TCERG1L: variants seen among roughly 807,000 people sequenced by gnomAD.
TCERG1L encodes the protein transcription elongation regulator 1-like protein.
Under a neutral mutation model 56.3 loss-of-function variants are expected in TCERG1L, and 37 were observed. The ratio of observed to expected loss-of-function variants is 0.66; its 90% CI spans 0.51 to 0.87. TCERG1L has a LOEUF of 0.87. TCERG1L is among the 40% of genes least tolerant of loss of function. TCERG1L has a pLI of 0.00. For missense variants in TCERG1L, 799 were observed against 774.2 expected (o/e 1.03, Z -0.38); for synonymous variants, 324 against 326.3 (o/e 0.99, Z 0.08).
chr10:131,263,660 C>T (rs79198577), intron 3 of TCERG1L, among the ~76,000 whole-genome samples: 3,077 of 152,306 alleles, frequency 0.02, 76 homozygotes, highest in East Asian at 0.077. Context: ...CATAAACAAC[C>T]GTCTGCAAAC....
rs1326161746 is a variant in TCERG1L at position 131,093,132 on chromosome 10, C to T, written c.*30G>A. 5 of 1,608,432 alleles carry T rather than the reference C, an allele frequency of 3.1e-6. No individual in the cohort carries two copies. The highest frequency in any genetic ancestry group is 4.5e-5 in the East Asian group (2 of 44,794). ...TCGCCCCCGGCACGCCCAGGGTCAA[C>T]CCCCGGGCTTATTGCATTTTTTCAC... On this transcript the variant is annotated 3_prime_UTR_variant, in exon 12 of 12. Transcript: ENST00000368642.
rs1413269129 is a variant in TCERG1L at position 131,104,252 on chromosome 10, C to T, written c.1485+13G>A. On this transcript the variant is annotated intron_variant, in intron 10 of 11. Coordinates refer to ENST00000368642, the MANE Select transcript of TCERG1L (RefSeq NM_174937.4). ...CATGTCTCTGCAGTCAAAGTGCCTT[C>T]CCACCCAGTTACCTGCTTTCGTTCC... 12 of 1,538,562 alleles carry T rather than the reference C, an allele frequency of 7.8e-6. No individual in the cohort carries two copies. The highest frequency in any genetic ancestry group is 1.7e-4 in the Middle Eastern group (1 of 5,994).
chr10:131,217,214 T>G (rs563951385), intron 4 of TCERG1L, among the ~76,000 whole-genome samples: 1 of 151,864 alleles, frequency 6.6e-6, no homozygotes, highest in African/African-American at 2.4e-5. Context: ...AGTGAGTGAG[T>G]TTTCCTGAGA....
chr10:131,203,719 C>G (rs1164946749), intron 4 of TCERG1L, among the ~76,000 whole-genome samples: 1 of 152,196 alleles, frequency 6.6e-6, no homozygotes. Context: ...GGGGAAGGCA[C>G]TCTCCTAACT....
At chr10:131,273,500 G>C (rs2918104) in intron 3 of TCERG1L, among the ~76,000 whole-genome samples, 1 of 152,078 alleles carries the variant, frequency 6.6e-6, no homozygotes, top group Non-Finnish European at 1.5e-5. Flanking sequence ...GAGGAATGAG[G>C]CTTTGGGAAT....
At chr10:131,211,437 T>C (rs1845618676) in intron 4 of TCERG1L, among the ~76,000 whole-genome samples, 1 of 152,182 alleles carries the variant, frequency 6.6e-6, no homozygotes, top group Non-Finnish European at 1.5e-5. Flanking sequence ...TTTCCCGGTG[T>C]TCTGGGCCCA....
chr10:131,308,360 G>A lies in TCERG1L; in HGVS notation c.521C>T (p.Ser174Leu). 6.2e-7 allele frequency: 1 copy of A among 1,614,008 alleles called. No homozygotes were observed. The highest frequency in any genetic ancestry group is 1.3e-5 in the African/African-American group (1 of 75,034). The change falls in exon 3 of 12, where the codon TCA (serine) becomes TTA (leucine). Residue 174 changes from serine (S) to leucine (L), a missense_variant. Coordinates refer to ENST00000368642, the MANE Select transcript of TCERG1L (RefSeq NM_174937.4). ...IFFNNSFALDSTWIHPEESRF... is the reference protein window; with the variant it reads ...IFFNNSFALDLTWIHPEESRF... ...TGACTCCTCAGGATGTATCCACGTTGAGTCCAGAGCAAAGGAATTATTAAA... is the reference window on the plus strand; with the variant it reads ...TGACTCCTCAGGATGTATCCACGTTAAGTCCAGAGCAAAGGAATTATTAAA...
At chr10:131,205,011 C>T (rs1184556556) in intron 4 of TCERG1L, among the ~76,000 whole-genome samples, 1 of 152,156 alleles carries the variant, frequency 6.6e-6, no homozygotes, top group Non-Finnish European at 1.5e-5. Flanking sequence ...GCCCTCAACC[C>T]CTGCCACCCG....
At chr10:131,250,191 G>T (rs996697577) in intron 4 of TCERG1L, among the ~76,000 whole-genome samples, 1 of 152,196 alleles carries the variant, frequency 6.6e-6, no homozygotes, top group Non-Finnish European at 1.5e-5. Flanking sequence ...AGGCTGTCAA[G>T]GAGAATCACC....
rs184643467 is a variant in TCERG1L, at chr10:131,285,708, T to G, written c.670+22503A>C. Among the ~76,000 whole-genome samples the G allele has an allele frequency of 2.3e-3, 355 of 152,292 alleles. 1 individual carries two copies. The highest frequency in any genetic ancestry group is 8.4e-3 in the African/African-American group (348 of 41,568). On this transcript the variant is annotated intron_variant, in intron 3 of 11. Coordinates refer to ENST00000368642, the MANE Select transcript of TCERG1L (RefSeq NM_174937.4). Reference sequence around the variant, plus strand: ...ATTCAACATGAAGATTTTGGGTTGATTCAAGAAATGTAAGTGATTTAACAT... The same window carrying G: ...ATTCAACATGAAGATTTTGGGTTGAGTCAAGAAATGTAAGTGATTTAACAT...
intron 7 of TCERG1L, among the ~76,000 whole-genome samples, chr10:131,135,046 C>T (rs760280428): frequency 4.6e-5 from 7 of 152,294 alleles, no homozygotes; most frequent in Non-Finnish European, 1.0e-4. Flanking sequence ...GTTTGATGAA[C>T]TTTTGGAATG....
At chr10:131,127,679 C>T (rs1204316608) in intron 8 of TCERG1L, among the ~76,000 whole-genome samples, 3 of 152,160 alleles carry the variant, frequency 2.0e-5, no homozygotes, top group East Asian at 3.9e-4. Context: ...CACAGCCCCC[C>T]GTCACAATCA....
intron 3 of TCERG1L, among the ~76,000 whole-genome samples, chr10:131,282,111 G>A (rs541755511): frequency 1.6e-3 from 229 of 141,740 alleles, no homozygotes; most frequent in African/African-American, 5.2e-3. Context: ...AGTCTGGCCT[G>A]GGCGAAAGAG....
At chr10:131,147,558 T>C (rs74710382) in intron 6 of TCERG1L, among the ~76,000 whole-genome samples, 1 of 152,338 alleles carries the variant, frequency 6.6e-6, no homozygotes, top group African/African-American at 2.4e-5. Context: ...AGGCCTGTGC[T>C]GGCACCGAGG....
At chr10:131,157,224 G>A (rs1326317129) in intron 6 of TCERG1L, among the ~76,000 whole-genome samples, 1 of 152,114 alleles carries the variant, frequency 6.6e-6, no homozygotes, top group African/African-American at 2.4e-5. Context: ...ATCTTTCCAA[G>A]CCATCTTAAA....
chr10:131,309,123 C>A, intron 2 of TCERG1L, 30 bp downstream of exon 2: 2 of 1,598,064 alleles, frequency 1.3e-6, no homozygotes, highest in South Asian at 2.3e-5. Context: ...TTAAAAGCCC[C>A]TTATCCAATT....
intron 4 of TCERG1L, among the ~76,000 whole-genome samples, chr10:131,243,910 C>T (rs1260850780): frequency 6.6e-6 from 1 of 152,224 alleles, no homozygotes; most frequent in Non-Finnish European, 1.5e-5. Context: ...ATTGGAGATT[C>T]ACAAAATCGT....
At chr10:131,302,302 G>A (rs1846771116) in intron 3 of TCERG1L, among the ~76,000 whole-genome samples, 1 of 150,836 alleles carries the variant, frequency 6.6e-6, no homozygotes, top group African/African-American at 2.4e-5. Context: ...GGCTGGCTTT[G>A]CCCCATTTAC....
chr10:131,102,587 A>G (rs1402861544), intron 10 of TCERG1L, among the ~76,000 whole-genome samples: 4 of 152,292 alleles, frequency 2.6e-5, no homozygotes, highest in South Asian at 4.2e-4. Context: ...GGACACCAAC[A>G]TGGGGGCCCC....
Sources: gnomAD v4.1 joint callset for allele counts (sites outside exome capture counted in the v4.1 genomes callset) on GRCh38, gnomAD v4.1.1 for gene constraint, MANE v1.5 for transcripts, NCBI Gene and HGNC (gene_info 2026-07-23, HGNC 2026-07-21) for gene names.